Variants in GRID2 observed in about 807,000 individuals in gnomAD.
The protein encoded by GRID2 is glutamate receptor ionotropic, delta-2.
A neutral mutation model predicts 114.8 loss-of-function variants in GRID2; 33 were observed. The observed-to-expected ratio is 0.29, with a 90% CI of 0.22 to 0.38. The LOEUF (loss-of-function observed/expected upper bound fraction) is 0.38. Among genes scored for constraint, GRID2 ranks in the 10% least tolerant of loss-of-function variants. The pLI is 1.00. For missense variants in GRID2, 1,184 were observed against 1,257.7 expected, an observed-to-expected ratio of 0.94 and a Z score of 0.89; for synonymous variants, 505 against 449.9, an observed-to-expected ratio of 1.12 and a Z score of -1.55.
intron 4 of GRID2, among the ~76,000 whole-genome samples, chr4:93,147,793 T>C (rs1358797405): frequency 6.6e-6 from 1 of 152,240 alleles, no homozygotes; most frequent in African/African-American, 2.4e-5. Context: ...CTTTACTATT[T>C]ACACTCCTTA....
chr4:92,737,852 A>G (rs943633942), intron 2 of GRID2, among the ~76,000 whole-genome samples: 4 of 152,110 alleles, frequency 2.6e-5, no homozygotes, highest in Admixed American at 6.6e-5. Flanking sequence ...CTAATACTAT[A>G]GAAATCTATT....
chr4:93,376,657 A>T (rs1185469505), intron 8 of GRID2, among the ~76,000 whole-genome samples: 1 of 152,190 alleles, frequency 6.6e-6, no homozygotes, highest in Non-Finnish European at 1.5e-5. Context: ...GAATGAGATC[A>T]TGTCCTTTTC....
intron 2 of GRID2, among the ~76,000 whole-genome samples, chr4:93,042,274 TTTCTCTC>T (rs1560821286): frequency 9.9e-4 from 72 of 72,966 alleles, no homozygotes; most frequent in African/African-American, 3.0e-3. Context: ...TCTCTCTCTC[TTTCTCTC>T]TCTCTCTCTC....
intron 1 of GRID2, among the ~76,000 whole-genome samples, chr4:93,790,008 C>T (rs571097947): frequency 6.6e-6 from 1 of 152,162 alleles, no homozygotes; most frequent in Non-Finnish European, 1.5e-5. Context: ...GTTGGGCACT[C>T]CTTAGGAGAA....
At chr4:93,407,285 G>C (rs1766551292) in intron 9 of GRID2, among the ~76,000 whole-genome samples, 1 of 152,118 alleles carries the variant, frequency 6.6e-6, no homozygotes, top group Admixed American at 6.6e-5. Flanking sequence ...TCATCTGTCA[G>C]CTTCTGGAAT....
At chr4:92,574,413 ATTT>A (rs58296126) in intron 1 of GRID2, among the ~76,000 whole-genome samples, 81 of 112,370 alleles carry the variant, frequency 7.2e-4, no homozygotes, top group African/African-American at 2.3e-3. Context: ...GTACTTTAGT[ATTT>A]TTTTTTTTTT....
chr4:93,614,624 C>G (rs993805039), intron 13 of GRID2, among the ~76,000 whole-genome samples: 1 of 151,966 alleles, frequency 6.6e-6, no homozygotes, highest in African/African-American at 2.4e-5. Context: ...TTAACAGGGT[C>G]AATAAGTAGT....
chr4:92,683,892 A>G (rs1733773642), intron 2 of GRID2, among the ~76,000 whole-genome samples: 1 of 151,906 alleles, frequency 6.6e-6, no homozygotes, highest in Admixed American at 6.6e-5. Flanking sequence ...ATATGATTAT[A>G]AGGAGAAATC....
At chr4:92,880,334 C>T (rs1047001931) in intron 2 of GRID2, among the ~76,000 whole-genome samples, 2 of 152,076 alleles carry the variant, frequency 1.3e-5, no homozygotes, top group Non-Finnish European at 2.9e-5. Flanking sequence ...TCCTCTTTAT[C>T]TTAGATGTCT....
At chr4:93,738,257 C>T (rs1197713085) in intron 14 of GRID2, among the ~76,000 whole-genome samples, 2 of 151,994 alleles carry the variant, frequency 1.3e-5, no homozygotes, top group African/African-American at 2.4e-5. Context: ...CAAATTTGTT[C>T]GTCATATCAA....
chr4:93,107,888 C>T (rs1306900971), intron 3 of GRID2, among the ~76,000 whole-genome samples: 1 of 152,098 alleles, frequency 6.6e-6, no homozygotes, highest in African/African-American at 2.4e-5. Context: ...GGCAGATCCT[C>T]TACTTGAAAC....
At chr4:93,634,623 C>T (rs532091926) in intron 14 of GRID2, among the ~76,000 whole-genome samples, 43 of 152,158 alleles carry the variant, frequency 2.8e-4, no homozygotes, top group African/African-American at 9.4e-4. Context: ...CCTTATGCAG[C>T]ACCGTTCACC....
intron 8 of GRID2, among the ~76,000 whole-genome samples, chr4:93,330,098 A>T (rs1758270338): frequency 6.6e-6 from 1 of 152,106 alleles, no homozygotes; most frequent in African/African-American, 2.4e-5. Context: ...GTTGTGTTAG[A>T]CCCAGATAAT....
chr4:92,718,597 C>A (rs1352713733), intron 2 of GRID2, among the ~76,000 whole-genome samples: 1 of 151,812 alleles, frequency 6.6e-6, no homozygotes, highest in Admixed American at 6.6e-5. Context: ...GACCCCGTCT[C>A]TGCAATTTTT....
chr4:93,380,367 T>G (rs920474231), intron 8 of GRID2, among the ~76,000 whole-genome samples: 2 of 151,786 alleles, frequency 1.3e-5, no homozygotes, highest in Admixed American at 6.6e-5. Context: ...CTGCAAATAC[T>G]TTGATTTCAT....
chr4:93,135,262 G>A (rs1213280705), intron 4 of GRID2, among the ~76,000 whole-genome samples: 1 of 152,098 alleles, frequency 6.6e-6, no homozygotes, highest in Non-Finnish European at 1.5e-5. Context: ...TGAGGTGTGT[G>A]GTGCTTGTTT....
At chr4:93,319,597 A>C (rs1757014295) in intron 8 of GRID2, 1 of 152,020 alleles carries the variant, frequency 6.6e-6, no homozygotes, top group South Asian at 2.1e-4. Flanking sequence ...GGCTTGACCT[A>C]CCATATGGGT....
At chr4:92,444,437 G>A (rs796200621) in intron 1 of GRID2, among the ~76,000 whole-genome samples, 27 of 152,204 alleles carry the variant, frequency 1.8e-4, no homozygotes, top group East Asian at 1.2e-3. Context: ...TGCTTTTGGC[G>A]CCAGGATGAG....
chr4:92,873,611 A>G (rs964592120), intron 2 of GRID2, among the ~76,000 whole-genome samples: 2 of 152,284 alleles, frequency 1.3e-5, no homozygotes, highest in African/African-American at 4.8e-5. Flanking sequence ...CTAAAGCTAA[A>G]ATTACTTCTG....
Sources: allele counts gnomAD v4.1 joint callset (sites outside exome capture counted in the v4.1 genomes callset), GRCh38; gene constraint gnomAD v4.1.1; transcripts MANE v1.5; gene names NCBI Gene and HGNC (gene_info 2026-07-23, HGNC 2026-07-21).